LRRN4: variants seen among roughly 807,000 people sequenced by gnomAD.
LRRN4 encodes leucine-rich repeat neuronal protein 4.
Under a neutral mutation model 22.3 loss-of-function variants are expected in LRRN4, and 26 were observed. That is an observed-to-expected ratio of 1.16 (90% CI 0.85 to 1.62). The LOEUF (loss-of-function observed/expected upper bound fraction) is 1.62. Among genes scored for constraint, LRRN4 ranks in the 40% most tolerant of loss-of-function variants. The pLI, the probability that LRRN4 is intolerant of heterozygous loss-of-function variation, is 0.00. For missense variants in LRRN4, 1,070 were observed against 1,008.5 expected (o/e 1.06, Z -0.83); for synonymous variants, 496 against 486.2 (o/e 1.02, Z -0.26).
chr20:6,052,077 C>A, intron 2 of LRRN4, 68 bp downstream of exon 2: 1 of 1,503,994 alleles, frequency 6.6e-7, no homozygotes, highest in Admixed American at 2.1e-5. Context: ...CAGCCCTGCC[C>A]CCCGGAGCGC....
In LRRN4 at chr20:6,042,214, C is replaced by T; in HGVS notation, c.1031G>A (p.Gly344Glu). 6.2e-7 allele frequency: 1 copy of T among 1,613,348 alleles called. No homozygotes were observed. Among genetic ancestry groups the T allele is most frequent in the Non-Finnish European group, 8.5e-7 (1 of 1,179,766 alleles). The change falls in exon 5 of 5, where the codon GGA (glycine) becomes GAA (glutamate). Residue 344 changes from glycine (G) to glutamate (E), a missense_variant. Physicochemically the swap from Gly to Glu is moderately conservative, Grantham distance 98. Coordinates refer to ENST00000378858, the MANE Select transcript of LRRN4 (RefSeq NM_152611.5). ...AADTMCAPAA[G>E]SSGPFSASLS... ...GGAGGCTGAGAAGGGGCCGCTGGAT[C>T]CCGCAGCTGGCGCGCACATAGTGTC...
At position 6,044,575 on chromosome 20, in the gene LRRN4, G is replaced by T. The variant is rs1172571706; in HGVS notation, c.966C>A (p.Leu322=). The T allele has an allele frequency of 1.3e-6, 2 of 1,591,004 alleles. No homozygotes were observed. Among genetic ancestry groups the T allele is most frequent in the Non-Finnish European group, 1.7e-6 (2 of 1,168,896 alleles). ...GGACAGTTCTCTTTGCATCCGTGAG[G>T]AGCCAAGACAAGTCACAACTGCAAG... The part of the protein sequence containing the change: ...PLTCSCDLSW[L]LTDAKRTVLS... The change falls in exon 4 of 5, where the codon CTC becomes CTA. Residue 322 remains leucine (L), a synonymous_variant. Transcript: ENST00000378858.
At position 6,041,016 on chromosome 20, in the gene LRRN4, G is replaced by T. The variant is rs1196663192; in HGVS notation, c.*6C>A. ...TTCGATGAGACGCGTTATCCCAGAAGCTGGGCTAACTGACGGTCTGGAGCC... is the reference window on the plus strand; with the variant it reads ...TTCGATGAGACGCGTTATCCCAGAATCTGGGCTAACTGACGGTCTGGAGCC... On this transcript the variant is annotated 3_prime_UTR_variant, in exon 5 of 5. Transcript: ENST00000378858. The surrounding 1 kb of genome is among the most constrained non-coding windows in gnomAD (Gnocchi z 9.4). 6.2e-7 allele frequency: 1 copy of T among 1,611,988 alleles called. No homozygotes were observed. The highest frequency in any genetic ancestry group is 1.7e-5 in the Admixed American group (1 of 59,916).
At chr20:6,045,080 C>T (rs1981072261) in intron 3 of LRRN4, among the ~76,000 whole-genome samples, 1 of 148,592 alleles carries the variant, frequency 6.7e-6, no homozygotes, top group South Asian at 2.1e-4. Context: ...ACCGTTGAGT[C>T]CTTTACTTAC....
intron 3 of LRRN4, 92 bp from the exon 4 acceptor site, chr20:6,044,772 T>C (rs1228276410): frequency 1.7e-6 from 2 of 1,203,844 alleles, no homozygotes; most frequent in East Asian, 2.9e-5. Flanking sequence ...ACCATGCCCA[T>C]GGTATCAGAA....
At position 6,052,945 on chromosome 20, in the gene LRRN4, C is replaced by A. The variant is rs190062915; in HGVS notation, c.-5-141G>T. ...TTCCCTGCAGGGCGGGGAGACGTTC[C>A]CAGAGTCGCCTAGTGTGCAGTGACC... is the stretch of plus-strand genomic sequence containing the variant. On this transcript the variant is annotated intron_variant, in intron 1 of 4. Coordinates refer to ENST00000378858, the MANE Select transcript of LRRN4 (RefSeq NM_152611.5). 7.8e-4 allele frequency: 706 copies of A among 900,998 alleles called. 1 individual carries two copies. In the African/African-American group the frequency reaches 9.4e-3, roughly 12 times the overall value. The allele number at this position is 900,998 out of a possible 1,614,324, so 55.8% of individuals were successfully genotyped here.
chr20:6,052,110 C>A, intron 2 of LRRN4, 35 bp downstream of exon 2: 3 of 1,555,218 alleles, frequency 1.9e-6, no homozygotes, highest in Non-Finnish European at 1.7e-6. Context: ...GCTCTGCGCT[C>A]AGGCCGGCTG....
intron 4 of LRRN4, 80 bp downstream of exon 4, chr20:6,044,463 G>T: frequency 7.7e-7 from 1 of 1,302,380 alleles, no homozygotes; most frequent in South Asian, 2.8e-5. Flanking sequence ...ATGGTCACAT[G>T]AGCAAGATGT....
rs1981224068 is a variant in LRRN4, at chr20:6,050,796, C to T, written c.843G>A (p.Gln281=). 1 of 1,613,532 alleles carries T rather than the reference C, an allele frequency of 6.2e-7. No individual in the cohort carries two copies. The highest frequency in any genetic ancestry group is 8.5e-7 in the Non-Finnish European group (1 of 1,179,902). Residue 281 remains glutamine, a synonymous_variant, in exon 3 of 5, where the codon CAG becomes CAA. Coordinates refer to ENST00000378858, the MANE Select transcript of LRRN4 (RefSeq NM_152611.5). The part of the protein sequence containing the change: ...THIFQDTPHL[Q]VLLFQNCNLS... ...GCACTTACTTCTGGAACAGAAGGAC[C>T]TGTAGATGTGGAGTATCTTGAAAGA...
chr20:6,052,355 G>C lies in LRRN4; in HGVS notation c.445C>G (p.Arg149Gly). 6.6e-7 allele frequency: 1 copy of C among 1,509,930 alleles called. No individual in the cohort carries two copies. The highest frequency in any genetic ancestry group is 8.8e-7 in the Non-Finnish European group (1 of 1,138,094). 93.5% of individuals were successfully genotyped at this position (1,509,930 alleles called of 1,614,324 possible). Reference protein sequence around the residue: ...PCTGPALSSLRALALAGNPLR... With the variant: ...PCTGPALSSLGALALAGNPLR... The stretch of plus-strand genomic sequence containing the variant: ...GGATTCCCGGCGAGCGCCAGGGCGC[G>C]GAGGCTGCTCAGCGCGGGCCCGGTG... The change falls in exon 2 of 5, where the codon CGC becomes GGC. Residue 149 changes from arginine (R) to glycine (G), a missense_variant. By Grantham distance (125) the Arg-to-Gly change is moderately radical (BLOSUM62 -2). Transcript: ENST00000378858.
intron 4 of LRRN4, 50 bp downstream of exon 4, chr20:6,044,493 C>T (rs779072779): frequency 7.2e-7 from 1 of 1,395,628 alleles, no homozygotes; most frequent in South Asian, 2.0e-5. Context: ...AACTTCAGCT[C>T]CTGAAGGCTG....
At position 6,052,845 on chromosome 20, in the gene LRRN4, A is replaced by G. The variant is rs536993175; in HGVS notation, c.-5-41T>C. 122 of 1,505,024 alleles carry G rather than the reference A, an allele frequency of 8.1e-5. 3 individuals carry two copies. The South Asian group carries it at 1.4e-3, about 18-fold the overall frequency. The allele number at this position is 1,505,024 out of a possible 1,614,324, so 93.2% of individuals were successfully genotyped here. ...CAGGACGCCCATCAAATCCACAGGA[A>G]CCCCCGCACAAAGAGTCAGATGCGC... On this transcript the variant is annotated intron_variant, in intron 1 of 4. Transcript: ENST00000378858.
chr20:6,050,973 C>G lies in LRRN4; in HGVS notation c.666G>C (p.Gly222=). 1 of 1,613,900 alleles carries G rather than the reference C, an allele frequency of 6.2e-7. No homozygotes were observed. ...TGAGCTTCGGCAGGTCTCTGATCCA[C>G]CCTGACTCAACTGAAACACAGAAGG... The part of the protein sequence containing the change: ...SGTFLERVES[G]WIRDLPKLTS... The change falls in exon 3 of 5, where the codon GGG becomes GGC. Residue 222 remains glycine (G), a synonymous_variant. Transcript: ENST00000378858.
chr20:6,052,932 C>A, intron 1 of LRRN4, 128 bp from the exon 2 acceptor site: 2 of 1,010,130 alleles, frequency 2.0e-6, no homozygotes, highest in Non-Finnish European at 2.8e-6. Flanking sequence ...CCCTGCAGGG[C>A]GGGGAGACGT....
chr20:6,047,454 A>T (rs984532827), intron 3 of LRRN4, among the ~76,000 whole-genome samples: 3 of 150,334 alleles, frequency 2.0e-5, no homozygotes, highest in African/African-American at 7.3e-5. Context: ...ACACACACAC[A>T]CACACACACA....
rs949523856 is a variant in LRRN4 at position 6,046,001 on chromosome 20, T to C, written c.861-1321A>G. ...CAAGGCCAAGCCCAGCTTCAAGAGG[T>C]AGAGCAATAGACTCCTTGAAATATG... On this transcript the variant is annotated intron_variant, in intron 3 of 4. Transcript: ENST00000378858. Among the ~76,000 whole-genome samples the C allele has an allele frequency of 6.0e-5, 9 of 149,238 alleles. 2 individuals carry two copies. The South Asian group carries it at 1.9e-3, about 32-fold the overall frequency.
At chr20:6,051,613 T>G (rs760832413) in intron 2 of LRRN4, among the ~76,000 whole-genome samples, 1 of 152,220 alleles carries the variant, frequency 6.6e-6, no homozygotes, top group Non-Finnish European at 1.5e-5. Flanking sequence ...CACTCTCCTG[T>G]GGCTTGAGTG....
At position 6,040,829 on chromosome 20, in the gene LRRN4, A is replaced by T; in HGVS notation, c.*193T>A. 1 of 708,364 alleles carries T rather than the reference A, an allele frequency of 1.4e-6. No homozygotes were observed. The highest frequency in any genetic ancestry group is 2.3e-6 in the Non-Finnish European group (1 of 438,254). The allele number at this position is 708,364 out of a possible 1,614,324, so 43.9% of individuals were successfully genotyped here. A position where few individuals can be genotyped will look rare whatever the true frequency, so the allele number is the denominator to read the frequency against. On this transcript the variant is annotated 3_prime_UTR_variant, in exon 5 of 5. Coordinates refer to ENST00000378858, the MANE Select transcript of LRRN4 (RefSeq NM_152611.5). ...CCATCAGGTTTCTGGGAACAGAGTT[A>T]AGTAGAAGGAAGGGAGGGCAGCAGT...
chr20:6,048,825 G>A (rs932016173), intron 3 of LRRN4, among the ~76,000 whole-genome samples: 6 of 152,164 alleles, frequency 3.9e-5, no homozygotes, highest in African/African-American at 1.4e-4. Context: ...GGAGGAGGAC[G>A]CATTAGGCTT....
Sources: allele counts gnomAD v4.1 joint callset (sites outside exome capture counted in the v4.1 genomes callset), GRCh38; gene constraint gnomAD v4.1.1; non-coding constraint Gnocchi (gnomAD v3.1); transcripts MANE v1.5; gene names NCBI Gene and HGNC (gene_info 2026-07-23, HGNC 2026-07-21).